The following CNTNAP5 variants were observed in gnomAD, a reference collection of about 807,000 sequenced individuals.
CNTNAP5 encodes the protein contactin associated protein family member 5.
A neutral mutation model predicts 150.2 loss-of-function variants in CNTNAP5; 72 were observed. The observed-to-expected ratio is 0.48, with a 90% CI of 0.40 to 0.58. The LOEUF is 0.58. CNTNAP5 is among the 20% of genes least tolerant of loss of function. The pLI, the probability that CNTNAP5 is intolerant of heterozygous loss-of-function variation, is 0.00. For missense variants in CNTNAP5, 1,636 were observed against 1,626.2 expected (o/e 1.01, Z -0.10); for synonymous variants, 672 against 619.8 (o/e 1.08, Z -1.25).
intron 3 of CNTNAP5, among the ~76,000 whole-genome samples, chr2:124,362,839 A>G (rs866493580): frequency 3.9e-5 from 6 of 152,206 alleles, no homozygotes; most frequent in Non-Finnish European, 8.8e-5. Context: ...CACACTCTCA[A>G]TAAGTAATCG....
chr2:124,874,905 A>G (rs1677822666), intron 21 of CNTNAP5, among the ~76,000 whole-genome samples: 1 of 152,042 alleles, frequency 6.6e-6, no homozygotes. Flanking sequence ...CAGAGGCATT[A>G]TTCTTCTGCT....
chr2:124,821,674 C>G lies in CNTNAP5; in HGVS notation c.3217+23354C>G, dbSNP rs189472705. Among the ~76,000 whole-genome samples, 49 of 152,182 alleles carry G rather than the reference C, an allele frequency of 3.2e-4. No homozygotes were observed. In the East Asian group the frequency reaches 4.8e-3, roughly 15 times the overall value. On this transcript the variant is annotated intron_variant, in intron 19 of 23. Coordinates refer to ENST00000682447, the MANE Select transcript of CNTNAP5 (RefSeq NM_001367498.1). ...AATTGGTTCTGTAACTTTAACAGCTCCACTCGATCTTAGGAGAGGCTATAG... is the reference window on the plus strand; with the variant it reads ...AATTGGTTCTGTAACTTTAACAGCTGCACTCGATCTTAGGAGAGGCTATAG...
intron 3 of CNTNAP5, among the ~76,000 whole-genome samples, chr2:124,395,637 A>C (rs1188125805): frequency 6.6e-6 from 1 of 152,192 alleles, no homozygotes; most frequent in Non-Finnish European, 1.5e-5. Flanking sequence ...ATACTGTGCC[A>C]AAACTTCATA....
chr2:124,635,601 C>T (rs1484664727), intron 12 of CNTNAP5, among the ~76,000 whole-genome samples: 1 of 152,160 alleles, frequency 6.6e-6, no homozygotes, highest in Non-Finnish European at 1.5e-5. Context: ...AATACTTTTC[C>T]TGTTTGGAAG....
At chr2:124,792,014 C>T (rs1262330340) in intron 18 of CNTNAP5, among the ~76,000 whole-genome samples, 1 of 151,972 alleles carries the variant, frequency 6.6e-6, no homozygotes, top group Non-Finnish European at 1.5e-5. Flanking sequence ...GGAATGTGGC[C>T]GGAACTGAAA....
rs1419651221 is a variant in CNTNAP5 at position 124,653,919 on chromosome 2, C to CT, written c.2077+5961_2077+5962insT. Among the ~76,000 whole-genome samples, 18 of 138,902 alleles carry CT rather than the reference C, an allele frequency of 1.3e-4. 1 individual carries two copies. Among genetic ancestry groups the CT allele is most frequent in the African/African-American group, 3.5e-4 (13 of 37,002 alleles). The allele number at this position is 138,902 out of a possible 152,430, so 91.1% of individuals were successfully genotyped here. ...TGCCCCCACTGCCCCCAACCCCCCCCCCCCGCCACACACACACAATCAGTG... is the reference window on the plus strand; with the variant it reads ...TGCCCCCACTGCCCCCAACCCCCCCCTCCCCGCCACACACACACAATCAGTG... On this transcript the variant is annotated intron_variant, in intron 13 of 23. Coordinates refer to ENST00000682447, the MANE Select transcript of CNTNAP5 (RefSeq NM_001367498.1).
rs529972655 is a variant in CNTNAP5 at position 124,478,612 on chromosome 2, C to G, written c.1062+3730C>G. 2.0e-5 allele frequency among the ~76,000 whole-genome samples: 3 copies of G among 152,156 alleles called. No homozygotes were observed. The East Asian group carries it at 5.8e-4, about 29-fold the overall frequency. ...AGCAATGGTTTGCACTGTTAAATAC[C>G]GAAGTACAAACTCTTTCCTTTCTGT... is the stretch of plus-strand genomic sequence containing the variant. On this transcript the variant is annotated intron_variant, in intron 7 of 23. Transcript: ENST00000682447.
chr2:124,226,181 C>A (rs1686454019), intron 2 of CNTNAP5, among the ~76,000 whole-genome samples: 1 of 150,606 alleles, frequency 6.6e-6, no homozygotes, highest in African/African-American at 2.4e-5. Flanking sequence ...TTTTTAGAAA[C>A]CTCCATACCG....
intron 1 of CNTNAP5, among the ~76,000 whole-genome samples, chr2:124,166,245 C>T (rs147395805): frequency 3.0e-3 from 464 of 152,232 alleles, no homozygotes; most frequent in African/African-American, 0.01. Flanking sequence ...CTGAATGACA[C>T]GGACTGTTGT....
At chr2:124,201,693 G>A (rs1685732899) in intron 1 of CNTNAP5, among the ~76,000 whole-genome samples, 2 of 152,344 alleles carry the variant, frequency 1.3e-5, no homozygotes, top group African/African-American at 4.8e-5. Context: ...TGCCCCTGTT[G>A]TCTGGTTCTG....
intron 3 of CNTNAP5, among the ~76,000 whole-genome samples, chr2:124,379,485 T>C (rs1380228466): frequency 6.6e-6 from 1 of 152,150 alleles, no homozygotes; most frequent in African/African-American, 2.4e-5. Flanking sequence ...CATGGCCTGA[T>C]AGCTTATTCC....
intron 17 of CNTNAP5, among the ~76,000 whole-genome samples, chr2:124,775,381 A>T (rs1398119259): frequency 6.6e-6 from 1 of 152,198 alleles, no homozygotes; most frequent in Non-Finnish European, 1.5e-5. Flanking sequence ...AGGAAAAGAT[A>T]TCATTGGCGT....
intron 13 of CNTNAP5, among the ~76,000 whole-genome samples, chr2:124,742,832 G>A (rs1435861694): frequency 5.3e-5 from 8 of 152,072 alleles, no homozygotes; most frequent in Non-Finnish European, 1.2e-4. Context: ...GCTACTGGGA[G>A]TTCCTGGAGG....
At chr2:124,333,991 GT>G (rs1488033344) in intron 3 of CNTNAP5, among the ~76,000 whole-genome samples, 1 of 151,950 alleles carries the variant, frequency 6.6e-6, no homozygotes, top group Non-Finnish European at 1.5e-5. Context: ...TCCTCTTACA[GT>G]ACAAAGTAGC....
chr2:124,483,395 C>A (rs1693802624), intron 7 of CNTNAP5, among the ~76,000 whole-genome samples: 1 of 152,206 alleles, frequency 6.6e-6, no homozygotes, highest in Admixed American at 6.5e-5. Context: ...AATGGAATCA[C>A]CATTAGCGCA....
At chr2:124,506,391 G>A (rs531094237) in intron 8 of CNTNAP5, among the ~76,000 whole-genome samples, 1 of 152,276 alleles carries the variant, frequency 6.6e-6, no homozygotes, top group African/African-American at 2.4e-5. Flanking sequence ...GAGCTCAGGG[G>A]AAGGGTGTGT....
At chr2:124,798,689 T>A (rs1048165781) in intron 19 of CNTNAP5, among the ~76,000 whole-genome samples, 13 of 152,186 alleles carry the variant, frequency 8.5e-5, no homozygotes, top group African/African-American at 3.1e-4. Context: ...TCAGTCTTCT[T>A]TACTGAGGGC....
At chr2:124,756,239 A>G (rs1680837725) in intron 14 of CNTNAP5, among the ~76,000 whole-genome samples, 1 of 152,222 alleles carries the variant, frequency 6.6e-6, no homozygotes, top group African/African-American at 2.4e-5. Flanking sequence ...ACCAGTCAGA[A>G]TGGCTATTAA....
rs547100306 is a variant in CNTNAP5 at position 124,878,226 on chromosome 2, T to C, written c.3436+8464T>C. Reference sequence around the variant, plus strand: ...TTAATCATGGAGAGAGGATGACACATTTCTTGTAAGTCAGGCTTTGGAATC... The same window carrying C: ...TTAATCATGGAGAGAGGATGACACACTTCTTGTAAGTCAGGCTTTGGAATC... On this transcript the variant is annotated intron_variant, in intron 21 of 23. Transcript: ENST00000682447. 5.3e-5 allele frequency among the ~76,000 whole-genome samples: 8 copies of C among 152,210 alleles called. No individual in the cohort carries two copies. In the South Asian group the frequency reaches 1.7e-3, roughly 32 times the overall value.
Sources: allele counts gnomAD v4.1 joint callset (sites outside exome capture counted in the v4.1 genomes callset), GRCh38; gene constraint gnomAD v4.1.1; transcripts MANE v1.5; gene names NCBI Gene and HGNC (gene_info 2026-07-23, HGNC 2026-07-21).